Variants in FAAH2 observed in about 807,000 individuals in gnomAD.
The protein encoded by FAAH2 is fatty-acid amide hydrolase 2.
FAAH2 carries 60 observed loss-of-function variants against 36.9 expected under a neutral mutation model. The ratio of observed to expected loss-of-function variants is 1.63; its 90% CI spans 1.32 to 2.02. FAAH2 has a LOEUF of 2.02. Among genes scored for constraint, FAAH2 ranks in the 30% most tolerant of loss-of-function variants. The pLI is 0.00. For synonymous variants in FAAH2, 214 were observed against 143.8 expected (o/e 1.49, Z -3.49); for missense variants, 689 against 397.5 (o/e 1.73, Z -6.23).
chrX:57,453,605 A>G (rs1025872654), intron 10 of FAAH2, among the ~76,000 whole-genome samples: 1 of 109,708 alleles, frequency 9.1e-6, no homozygotes, highest in Non-Finnish European at 1.9e-5. Flanking sequence ...ATATAACCCA[A>G]CAGCAGGTCA....
chrX:57,395,502 A>G (rs1033270904), intron 7 of FAAH2: 1 of 375,731 alleles, frequency 2.7e-6, no homozygotes, highest in Non-Finnish European at 4.7e-6. Context: ...ATTCAGTATG[A>G]TGTTGGCTAT....
chrX:57,362,433 ATG>A (rs2054308377), intron 5 of FAAH2, among the ~76,000 whole-genome samples: 2 of 111,196 alleles, frequency 1.8e-5, no homozygotes, highest in Non-Finnish European at 3.8e-5. Flanking sequence ...GCAAACCACC[ATG>A]GCACGTGTAT....
At chrX:57,307,600 C>T (rs764757738) in intron 2 of FAAH2, among the ~76,000 whole-genome samples, 1 of 111,320 alleles carries the variant, frequency 9.0e-6, no homozygotes, top group East Asian at 2.8e-4. Context: ...TGTCAAAATA[C>T]TTTCAACATA....
the FAAH2 span, among the ~76,000 whole-genome samples, chrX:57,198,121 G>A: frequency 1.8e-5 from 2 of 110,970 alleles, no homozygotes; most frequent in Non-Finnish European, 3.8e-5. Context: ...TAGGGGTGGG[G>A]CCATAGAGCT....
At chrX:57,403,108 GA>G (rs2055479270) in intron 7 of FAAH2, among the ~76,000 whole-genome samples, 1 of 111,748 alleles carries the variant, frequency 8.9e-6, no homozygotes, top group Non-Finnish European at 1.9e-5. Flanking sequence ...AGTCTGAGAG[GA>G]AAAAGGCACA....
At chrX:57,252,726 A>C in the FAAH2 span, among the ~76,000 whole-genome samples, 8 of 112,296 alleles carry the variant, frequency 7.1e-5, no homozygotes, top group Non-Finnish European at 1.5e-4. Context: ...CAACATCAAC[A>C]AAAGGACGTC....
chrX:57,154,267 C>A, the FAAH2 span, among the ~76,000 whole-genome samples: 2 of 95,012 alleles, frequency 2.1e-5, no homozygotes, highest in African/African-American at 7.6e-5. Flanking sequence ...TATGTTGTAT[C>A]TTTTTTTTTT....
intron 7 of FAAH2, among the ~76,000 whole-genome samples, chrX:57,413,516 A>G (rs1306911936): frequency 1.8e-5 from 2 of 111,512 alleles, no homozygotes; most frequent in African/African-American, 6.5e-5. Flanking sequence ...TTTGTCGAAG[A>G]TCAGATGGTT....
chrX:57,246,917 A>G, the FAAH2 span, among the ~76,000 whole-genome samples: 2 of 112,031 alleles, frequency 1.8e-5, no homozygotes, highest in African/African-American at 3.2e-5. Flanking sequence ...CAGCTACTCA[A>G]TACTGTCAGT....
At chrX:57,220,423 G>A in the FAAH2 span, among the ~76,000 whole-genome samples, 36 of 110,591 alleles carry the variant, frequency 3.3e-4, no homozygotes, top group South Asian at 7.6e-4. Flanking sequence ...ACTCAACCGC[G>A]CTTTCCCCTT....
At position 57,336,777 on chromosome X, in the gene FAAH2, C is replaced by T. The variant is rs759039251; in HGVS notation, c.623-4494C>T. Among the ~76,000 whole-genome samples, 52 of 110,955 alleles carry T rather than the reference C, an allele frequency of 4.7e-4. No homozygotes were observed. In the East Asian group the frequency reaches 0.015, roughly 31 times the overall value. ...TAGAGGGAAATTTATAGCACTAAAT[C>T]CCCACATCAAAAAGCTAGAAAGGTC... is the stretch of plus-strand genomic sequence containing the variant. On this transcript the variant is annotated intron_variant, in intron 4 of 10. Coordinates refer to ENST00000374900, the MANE Select transcript of FAAH2 (RefSeq NM_174912.4).
chrX:57,136,997 C>G, the FAAH2 span: 2 of 865,062 alleles, frequency 2.3e-6, no homozygotes, highest in Non-Finnish European at 2.9e-6. Flanking sequence ...CCCCCACTGC[C>G]TATCCTAACC....
intron 5 of FAAH2, among the ~76,000 whole-genome samples, chrX:57,370,080 G>A (rs573092380): frequency 9.0e-6 from 1 of 111,172 alleles, no homozygotes; most frequent in Non-Finnish European, 1.9e-5. Flanking sequence ...TAAGAAAGGG[G>A]AAGGAATACA....
At chrX:57,256,825 C>T in the FAAH2 span, among the ~76,000 whole-genome samples, 2 of 112,088 alleles carry the variant, frequency 1.8e-5, no homozygotes, top group African/African-American at 3.2e-5. Flanking sequence ...CCAGAATCTA[C>T]AAGAACTTAA....
chrX:57,369,553 A>T (rs2147171669), intron 5 of FAAH2, among the ~76,000 whole-genome samples: 1 of 112,035 alleles, frequency 8.9e-6, no homozygotes, highest in Non-Finnish European at 1.9e-5. Flanking sequence ...CCTAAGGAGA[A>T]TGGGATGGTA....
chrX:57,448,784 G>A, intron 10 of FAAH2, 66 bp downstream of exon 10: 6 of 1,078,376 alleles, frequency 5.6e-6, no homozygotes, highest in Non-Finnish European at 6.3e-6. Context: ...TCCAAGGAAA[G>A]CATAATTTTC....
At chrX:57,391,392 C>A (rs1341606944) in intron 7 of FAAH2, among the ~76,000 whole-genome samples, 2 of 110,938 alleles carry the variant, frequency 1.8e-5, no homozygotes, top group South Asian at 7.5e-4. Flanking sequence ...TTATTTCCCT[C>A]AATGTCAGAA....
At chrX:57,387,482 A>G (rs982076747) in intron 7 of FAAH2, among the ~76,000 whole-genome samples, 30 of 111,574 alleles carry the variant, frequency 2.7e-4, no homozygotes, top group African/African-American at 9.4e-4. Flanking sequence ...AATGAGGAAA[A>G]CAGAGAAGAC....
the FAAH2 span, among the ~76,000 whole-genome samples, chrX:57,153,072 A>G: frequency 9.0e-6 from 1 of 111,678 alleles, no homozygotes; most frequent in East Asian, 2.8e-4. Flanking sequence ...TGTATTTAGG[A>G]TTGTTATATT....
Sources: allele counts gnomAD v4.1 joint callset (sites outside exome capture counted in the v4.1 genomes callset), GRCh38; gene constraint gnomAD v4.1.1; transcripts MANE v1.5; gene names NCBI Gene and HGNC (gene_info 2026-07-23, HGNC 2026-07-21).